The following ATP8A2 variants were observed in gnomAD, a reference collection of about 807,000 sequenced individuals.
The protein encoded by ATP8A2 is phospholipid-transporting ATPase IB.
In ATP8A2, 100 loss-of-function variants were observed where a neutral mutation model predicts 165.6. The observed-to-expected ratio is 0.60, with a 90% CI of 0.51 to 0.71. The LOEUF is 0.71. Among genes scored for constraint, ATP8A2 ranks in the 30% least tolerant of loss-of-function variants. The probability of loss-of-function intolerance (pLI) is 0.00; values close to 1 mark genes in which losing one functional copy is unlikely to be tolerated. For missense variants in ATP8A2, 1,227 were observed against 1,479.5 expected (o/e 0.83, Z 2.80); for synonymous variants, 543 against 548.8 (o/e 0.99, Z 0.15).
intron 24 of ATP8A2, among the ~76,000 whole-genome samples, chr13:25,672,076 G>C (rs1056583198): frequency 1.3e-5 from 2 of 152,176 alleles, no homozygotes; most frequent in Non-Finnish European, 2.9e-5. Context: ...TTCCCCAATA[G>C]AGCAGCGTAC....
intron 25 of ATP8A2, among the ~76,000 whole-genome samples, chr13:25,727,738 A>C (rs574641960): frequency 6.6e-6 from 1 of 152,352 alleles, no homozygotes; most frequent in Non-Finnish European, 1.5e-5. Flanking sequence ...TTTTCAAGCC[A>C]GATATGCTTA....
rs559947149 is a variant in ATP8A2, at chr13:25,377,571, G to A, written c.76+5283G>A. Among the ~76,000 whole-genome samples the A allele has an allele frequency of 2.0e-5, 3 of 152,216 alleles. No homozygotes were observed. The East Asian group carries it at 5.8e-4, about 29-fold the overall frequency. On this transcript the variant is annotated intron_variant, in intron 1 of 36. Transcript: ENST00000381655. ...TCCCAGTACTTTGGGAGGCCGAGAC[G>A]GGTGGATCATATGAGGTCAGGAGTT...
chr13:25,546,137 G>GA (rs1415176547), intron 10 of ATP8A2, among the ~76,000 whole-genome samples: 14 of 152,026 alleles, frequency 9.2e-5, no homozygotes, highest in African/African-American at 3.4e-4. Flanking sequence ...TTTTGCTCTA[G>GA]AAAACCAATA....
intron 33 of ATP8A2, among the ~76,000 whole-genome samples, chr13:25,873,217 C>T (rs1362582030): frequency 2.6e-5 from 4 of 152,182 alleles, no homozygotes; most frequent in Non-Finnish European, 5.9e-5. Flanking sequence ...GGCTCTTAGG[C>T]AAGACTTTCC....
chr13:25,593,136 G>A (rs772589804), intron 24 of ATP8A2, among the ~76,000 whole-genome samples: 1 of 152,116 alleles, frequency 6.6e-6, no homozygotes, highest in African/African-American at 2.4e-5. Flanking sequence ...GGGGATAAAA[G>A]CAGCGTCCTA....
intron 24 of ATP8A2, among the ~76,000 whole-genome samples, chr13:25,621,504 G>GT (rs569420895): frequency 2.5e-4 from 38 of 152,244 alleles, no homozygotes; most frequent in African/African-American, 7.9e-4. Flanking sequence ...AACCAGAGGT[G>GT]TTATCTGCAG....
chr13:25,456,361 G>A (rs1397014598), intron 1 of ATP8A2, among the ~76,000 whole-genome samples: 1 of 152,214 alleles, frequency 6.6e-6, no homozygotes, highest in African/African-American at 2.4e-5. Context: ...TGGACATCTT[G>A]TTAACTGGGA....
At chr13:25,937,722 G>A (rs936230451) in intron 33 of ATP8A2, among the ~76,000 whole-genome samples, 24 of 151,442 alleles carry the variant, frequency 1.6e-4, no homozygotes, top group African/African-American at 4.4e-4. Context: ...GGTGGCAGGC[G>A]CCTGTAGTCC....
intron 24 of ATP8A2, among the ~76,000 whole-genome samples, chr13:25,666,149 C>T (rs142585691): frequency 1.0e-3 from 159 of 151,966 alleles, no homozygotes; most frequent in African/African-American, 3.6e-3. Context: ...TTTCTTGGAA[C>T]ATTTTAATTA....
chr13:25,753,522 C>T (rs1298766676), intron 25 of ATP8A2, among the ~76,000 whole-genome samples: 1 of 152,208 alleles, frequency 6.6e-6, no homozygotes, highest in Non-Finnish European at 1.5e-5. Flanking sequence ...TCTCTGAGTG[C>T]CAGCTCCATG....
intron 27 of ATP8A2, among the ~76,000 whole-genome samples, chr13:25,796,267 T>C (rs1029505186): frequency 6.6e-6 from 1 of 152,194 alleles, no homozygotes; most frequent in South Asian, 2.1e-4. Context: ...GTTTTAAAAC[T>C]ATGATTACTT....
At chr13:25,872,969 G>T (rs1952717084) in intron 33 of ATP8A2, among the ~76,000 whole-genome samples, 1 of 151,980 alleles carries the variant, frequency 6.6e-6, no homozygotes, top group African/African-American at 2.4e-5. Context: ...CTTAAGCCAG[G>T]CTAGACGTAT....
At chr13:25,798,959 G>A (rs902232110) in intron 27 of ATP8A2, among the ~76,000 whole-genome samples, 3 of 151,842 alleles carry the variant, frequency 2.0e-5, no homozygotes, top group Non-Finnish European at 4.4e-5. Flanking sequence ...TTTGAGACCA[G>A]CCTGGGCAAC....
At chr13:25,638,370 A>C (rs903337435) in intron 24 of ATP8A2, among the ~76,000 whole-genome samples, 1 of 152,200 alleles carries the variant, frequency 6.6e-6, no homozygotes, top group African/African-American at 2.4e-5. Flanking sequence ...AAAAGATTAG[A>C]TGAATAGCTA....
chr13:25,789,299 T>C (rs1043784545), intron 27 of ATP8A2, among the ~76,000 whole-genome samples: 1 of 152,186 alleles, frequency 6.6e-6, no homozygotes, highest in Admixed American at 6.5e-5. Context: ...TTTTGTAAAA[T>C]GATTTTATTG....
intron 27 of ATP8A2, among the ~76,000 whole-genome samples, chr13:25,786,754 G>GATTTTTTTTTTT (rs58430501): frequency 7.4e-6 from 1 of 134,644 alleles, no homozygotes. Context: ...ACAATTCTAT[G>GATTTTTTTTTTT]TTTTTTTTTT....
At chr13:25,463,003 G>A (rs938032636) in intron 1 of ATP8A2, among the ~76,000 whole-genome samples, 1 of 152,088 alleles carries the variant, frequency 6.6e-6, no homozygotes, top group African/African-American at 2.4e-5. Context: ...GACGTGGGAC[G>A]GCCTGTGTGA....
At chr13:25,860,679 G>A (rs1324327301) in intron 31 of ATP8A2, 125 bp from the exon 32 acceptor site, 6 of 709,674 alleles carry the variant, frequency 8.5e-6, no homozygotes, top group Non-Finnish European at 1.5e-5. Context: ...TGACATGGCT[G>A]GTGCTTTCAA....
intron 2 of ATP8A2, among the ~76,000 whole-genome samples, chr13:25,513,603 G>T (rs1190541300): frequency 5.9e-5 from 9 of 152,098 alleles, no homozygotes; most frequent in Non-Finnish European, 1.0e-4. Context: ...GGCCAAGGCA[G>T]GCGGCTGGGA....
Sources: allele counts gnomAD v4.1 joint callset (sites outside exome capture counted in the v4.1 genomes callset), GRCh38; gene constraint gnomAD v4.1.1; transcripts MANE v1.5; gene names NCBI Gene and HGNC (gene_info 2026-07-23, HGNC 2026-07-21).